CAPZA1: variants seen among roughly 807,000 people sequenced by gnomAD.
CAPZA1 encodes capping actin protein of muscle Z-line subunit alpha 1, also known as F-actin-capping protein subunit alpha-1.
A neutral mutation model predicts 40.8 loss-of-function variants in CAPZA1; 10 were observed. That is an observed-to-expected ratio of 0.25 (90% CI 0.15 to 0.42). The LOEUF is 0.42. CAPZA1 is among the 10% of genes least tolerant of loss of function. CAPZA1 has a pLI of 1.00. For missense variants in CAPZA1, 277 were observed against 353.8 expected (o/e 0.78, Z 1.74); for synonymous variants, 98 against 115.0 (o/e 0.85, Z 0.95).
chr1:112,647,326 T>A, intron 2 of CAPZA1, 53 bp downstream of exon 2: 2 of 907,466 alleles, frequency 2.2e-6, no homozygotes, highest in Non-Finnish European at 3.2e-6. Context: ...ATTTATTGAG[T>A]ACTTGCTGTC....
At chr1:112,635,256 T>C (rs1670992849) in intron 1 of CAPZA1, among the ~76,000 whole-genome samples, 1 of 152,134 alleles carries the variant, frequency 6.6e-6, no homozygotes, top group African/African-American at 2.4e-5. Context: ...AAGGCACAAC[T>C]TTCAAGGAGA....
chr1:112,628,314 T>C (rs576501524), intron 1 of CAPZA1, among the ~76,000 whole-genome samples: 1 of 152,330 alleles, frequency 6.6e-6, no homozygotes, highest in East Asian at 1.9e-4. Context: ...GTGGTTCAAA[T>C]CTTAGTCCTC....
chr1:112,665,938 A>G (rs755210768), intron 7 of CAPZA1, among the ~76,000 whole-genome samples: 1 of 152,208 alleles, frequency 6.6e-6, no homozygotes, highest in Non-Finnish European at 1.5e-5. Context: ...TTTTCTTCAT[A>G]GCACAAGTAT....
rs1220980231 is a variant in CAPZA1 at position 112,670,145 on chromosome 1, G to A, written c.*13G>A. ...GCAGAATGCTTAAAGGCTGAATGTA[G>A]GATTCTTCAGTATGTGGAAAGACAA... On this transcript the variant is annotated 3_prime_UTR_variant, in exon 10 of 10. Coordinates refer to ENST00000263168, the MANE Select transcript of CAPZA1 (RefSeq NM_006135.3). 2.5e-6 allele frequency: 4 copies of A among 1,613,576 alleles called. No individual in the cohort carries two copies. The highest frequency in any genetic ancestry group is 2.7e-5 in the African/African-American group (2 of 75,026).
chr1:112,651,248 T>A (rs922570662), intron 3 of CAPZA1, among the ~76,000 whole-genome samples: 7 of 152,190 alleles, frequency 4.6e-5, no homozygotes, highest in African/African-American at 1.7e-4. Context: ...TTGTAAGTTA[T>A]GTTAAAGAGT....
At chr1:112,668,209 G>A (rs1671764304) in intron 8 of CAPZA1, among the ~76,000 whole-genome samples, 1 of 152,136 alleles carries the variant, frequency 6.6e-6, no homozygotes, top group South Asian at 2.1e-4. Flanking sequence ...CAGGAAGGTT[G>A]AGGCTGCAGT....
At chr1:112,653,537 T>A in intron 3 of CAPZA1, 61 bp from the exon 4 acceptor site, 2 of 1,118,394 alleles carry the variant, frequency 1.8e-6, no homozygotes, top group Non-Finnish European at 2.6e-6. Context: ...TATTTACACA[T>A]AATTCTTTTC....
chr1:112,659,727 A>G lies in CAPZA1; in HGVS notation c.533A>G (p.Lys178Arg). Residue 178 changes from lysine to arginine, a missense_variant, in exon 7 of 10, where the codon AAG becomes AGG. Physicochemically the swap from Lys to Arg is conservative, Grantham distance 26. This residue lies in a region of CAPZA1 where 192 missense variants were observed against 277.2 expected (regional missense o/e 0.69). Coordinates refer to ENST00000263168, the MANE Select transcript of CAPZA1 (RefSeq NM_006135.3). ...FWNGRWRSEWKFTITPPTAQV... is the reference protein window; with the variant it reads ...FWNGRWRSEWRFTITPPTAQV... ...AATGGTCGTTGGAGATCAGAGTGGA[A>G]GTTCACCATCACACCACCTACAGCC... is the stretch of plus-strand genomic sequence containing the variant. 1 of 1,613,602 alleles carries G rather than the reference A, an allele frequency of 6.2e-7. No individual in the cohort carries two copies. Among genetic ancestry groups the G allele is most frequent in the Non-Finnish European group, 8.5e-7 (1 of 1,179,910 alleles).
chr1:112,624,097 C>T (rs1670748470), intron 1 of CAPZA1, among the ~76,000 whole-genome samples: 2 of 151,570 alleles, frequency 1.3e-5, no homozygotes, highest in Admixed American at 1.3e-4. Context: ...CATGTCCAGT[C>T]TTGTTAGTAG....
rs1671813160 is a variant in CAPZA1 at position 112,670,676 on chromosome 1, A to G, written c.*544A>G. The G allele has an allele frequency of 6.6e-6, 1 of 152,594 alleles. No individual in the cohort carries two copies. The highest frequency in any genetic ancestry group is 2.4e-5 in the African/African-American group (1 of 41,430). The allele number at this position is 152,594 out of a possible 1,614,324, so 9.5% of individuals were successfully genotyped here. A position where few individuals can be genotyped will look rare whatever the true frequency, so the allele number is the denominator to read the frequency against. ...TTGCATCTCATAACTAATTTTCTAA[A>G]GTTTGGATTGGGACTTTTCAGGTCC... On this transcript the variant is annotated 3_prime_UTR_variant, in exon 10 of 10. Coordinates refer to ENST00000263168, the MANE Select transcript of CAPZA1 (RefSeq NM_006135.3).
At chr1:112,645,070 A>T (rs945371943) in intron 1 of CAPZA1, among the ~76,000 whole-genome samples, 2 of 152,202 alleles carry the variant, frequency 1.3e-5, no homozygotes, top group African/African-American at 4.8e-5. Flanking sequence ...GGGACCATAG[A>T]TGCAGAGTGG....
At chr1:112,624,005 C>A (rs1467378753) in intron 1 of CAPZA1, among the ~76,000 whole-genome samples, 191 of 74,662 alleles carry the variant, frequency 2.6e-3, no homozygotes, top group Middle Eastern at 0.01. Flanking sequence ...GACTCCATCT[C>A]AAAAAAAAAA....
intron 1 of CAPZA1, among the ~76,000 whole-genome samples, chr1:112,633,334 A>G (rs1373125320): frequency 6.6e-6 from 1 of 151,700 alleles, no homozygotes; most frequent in Non-Finnish European, 1.5e-5. Context: ...TAGTGAGATC[A>G]TACAGTATTC....
In CAPZA1 at chr1:112,656,466, T is replaced by TTTTTTTTTTTTC. The variant is rs1553180448; in HGVS notation, c.426+1795_426+1796insTTTTTTTTTTTC. Among the ~76,000 whole-genome samples, 18 of 94,408 alleles carry TTTTTTTTTTTTC rather than the reference T, an allele frequency of 1.9e-4. 3 individuals are homozygous for TTTTTTTTTTTTC. The highest frequency in any genetic ancestry group is 2.8e-4 in the East Asian group (1 of 3,552). 61.9% of individuals were successfully genotyped at this position (94,408 alleles called of 152,430 possible). A position where few individuals can be genotyped will look rare whatever the true frequency, so the allele number is the denominator to read the frequency against. On this transcript the variant is annotated intron_variant, in intron 5 of 9. Coordinates refer to ENST00000263168, the MANE Select transcript of CAPZA1 (RefSeq NM_006135.3). ...TTTTTTTTTTTTTTTTTTTTTTTTT[T>TTTTTTTTTTTTC]AATGAGAATACCCATTATGGTGGAC...
chr1:112,620,489 A>G (rs1670600223), intron 1 of CAPZA1: 1 of 152,262 alleles, frequency 6.6e-6, no homozygotes, highest in Non-Finnish European at 1.5e-5. Flanking sequence ...TGTGAGCCTC[A>G]GGGCATTTGC....
At chr1:112,658,419 C>G (rs1353717033) in intron 5 of CAPZA1, among the ~76,000 whole-genome samples, 5 of 152,176 alleles carry the variant, frequency 3.3e-5, no homozygotes, top group Admixed American at 3.3e-4. Flanking sequence ...CTTTCCATTC[C>G]CATTAATATA....
At chr1:112,655,552 CTGT>C (rs892822180) in intron 5 of CAPZA1, among the ~76,000 whole-genome samples, 52 of 151,490 alleles carry the variant, frequency 3.4e-4, no homozygotes, top group Middle Eastern at 3.2e-3. Flanking sequence ...GTTGTTTTTG[CTGT>C]TGTTGTTGTT....
chr1:112,663,058 G>T (rs1170259919), intron 7 of CAPZA1, among the ~76,000 whole-genome samples: 1 of 152,108 alleles, frequency 6.6e-6, no homozygotes, highest in South Asian at 2.1e-4. Context: ...TCCGCCTCCT[G>T]GGTTCAAGCG....
intron 7 of CAPZA1, among the ~76,000 whole-genome samples, chr1:112,664,104 C>T (rs1671674343): frequency 6.6e-6 from 1 of 151,942 alleles, no homozygotes; most frequent in Non-Finnish European, 1.5e-5. Flanking sequence ...TGGTGGCACG[C>T]ACCTGTAGTC....
Sources: gnomAD v4.1 joint callset for allele counts (sites outside exome capture counted in the v4.1 genomes callset) on GRCh38, gnomAD v4.1.1 for gene constraint, gnomAD v4.1.1 regional missense constraint, MANE v1.5 for transcripts, NCBI Gene and HGNC (gene_info 2026-07-23, HGNC 2026-07-21) for gene names.